CFAP47: variants seen among roughly 807,000 people sequenced by gnomAD.
The protein encoded by CFAP47 is cilia- and flagella-associated protein 47.
A neutral mutation model predicts 148.1 loss-of-function variants in CFAP47; 29 were observed. That is an observed-to-expected ratio of 0.20 (90% CI 0.15 to 0.27). The LOEUF (loss-of-function observed/expected upper bound fraction) is 0.27, where lower values mean the gene tolerates loss of function less well. Ranked by LOEUF, CFAP47 falls within the 10% of genes least tolerant of loss-of-function variation. The pLI, the probability that CFAP47 is intolerant of heterozygous loss-of-function variation, is 1.00. For synonymous variants in CFAP47, 664 were observed against 577.3 expected (o/e 1.15, Z -2.15); for missense variants, 1,872 against 1,697.5 (o/e 1.10, Z -1.81).
intron 15 of CFAP47, among the ~76,000 whole-genome samples, chrX:35,984,290 G>T (rs1017895058): frequency 9.0e-6 from 1 of 111,244 alleles, no homozygotes; most frequent in Admixed American, 9.6e-5. Context: ...TTTCTGTGGG[G>T]TATGTGTTAA....
chrX:36,110,684 T>A (rs779532828), intron 33 of CFAP47, among the ~76,000 whole-genome samples: 1 of 112,210 alleles, frequency 8.9e-6, no homozygotes, highest in African/African-American at 3.2e-5. Flanking sequence ...ATTGATTGTA[T>A]AAATTGCTTT....
At chrX:36,288,569 A>G (rs782238652) in intron 51 of CFAP47, among the ~76,000 whole-genome samples, 1 of 112,679 alleles carries the variant, frequency 8.9e-6, no homozygotes, top group Non-Finnish European at 1.9e-5. Context: ...TGAAAATTGC[A>G]TGATCATTTA....
At chrX:36,283,134 A>T (rs1304365295) in intron 50 of CFAP47, among the ~76,000 whole-genome samples, 1 of 111,671 alleles carries the variant, frequency 9.0e-6, no homozygotes, top group African/African-American at 3.2e-5. Flanking sequence ...GTACAAATAT[A>T]TTAAGTAGCT....
At chrX:36,380,685 C>T (rs1158619796) in intron 63 of CFAP47, among the ~76,000 whole-genome samples, 1 of 112,274 alleles carries the variant, frequency 8.9e-6, no homozygotes, top group Non-Finnish European at 1.9e-5. Context: ...CCTCATGATC[C>T]ACCCGCCTCG....
intron 42 of CFAP47, 90 bp from the exon 43 acceptor site, chrX:36,200,289 C>T (rs1939965840): frequency 7.0e-6 from 2 of 284,222 alleles, no homozygotes; most frequent in South Asian, 4.4e-4. Flanking sequence ...CATGGTAGTT[C>T]TTACAGTATG....
At chrX:36,231,063 C>G (rs1156708052) in intron 46 of CFAP47, among the ~76,000 whole-genome samples, 3 of 108,471 alleles carry the variant, frequency 2.8e-5, no homozygotes, top group African/African-American at 1.0e-4. Flanking sequence ...CAGCTTTGTT[C>G]TTTTGGCTTA....
At chrX:36,245,367 G>T (rs1940602063) in intron 48 of CFAP47, among the ~76,000 whole-genome samples, 1 of 111,593 alleles carries the variant, frequency 9.0e-6, no homozygotes, top group African/African-American at 3.3e-5. Context: ...GAAATAAAAG[G>T]CATCCAAATG....
chrX:36,160,106 G>A (rs766236736), intron 38 of CFAP47, among the ~76,000 whole-genome samples: 1 of 111,702 alleles, frequency 9.0e-6, no homozygotes, highest in East Asian at 2.8e-4. Flanking sequence ...ATTTAGGTGT[G>A]CAGGGCAAGA....
At chrX:36,141,266 G>T (rs1939135308) in intron 35 of CFAP47, among the ~76,000 whole-genome samples, 1 of 110,598 alleles carries the variant, frequency 9.0e-6, no homozygotes, top group East Asian at 2.9e-4. Flanking sequence ...AGCCAATGGT[G>T]CAGCCCCTAG....
chrX:35,958,009 G>A (rs1345453552), intron 8 of CFAP47, among the ~76,000 whole-genome samples: 2 of 111,380 alleles, frequency 1.8e-5, no homozygotes, highest in Non-Finnish European at 3.8e-5. Flanking sequence ...ACCCCAAAAA[G>A]AAACTCCATG....
chrX:36,141,765 A>T (rs1401390798), intron 35 of CFAP47, among the ~76,000 whole-genome samples: 1 of 111,452 alleles, frequency 9.0e-6, no homozygotes, highest in East Asian at 2.8e-4. Context: ...CAAAGTTATC[A>T]GAGATTCAGT....
chrX:36,268,655 G>A (rs1257146600), intron 49 of CFAP47, among the ~76,000 whole-genome samples: 7 of 112,152 alleles, frequency 6.2e-5, no homozygotes, highest in Non-Finnish European at 1.1e-4. Context: ...GTGTGTGTAT[G>A]TGTGTCTGTA....
Position 36,035,622 on chromosome X carries a change from T to G in CFAP47, c.3652-73T>G, listed in dbSNP as rs1937328924. 1.0e-5 allele frequency: 3 copies of G among 286,105 alleles called. No individual in the cohort carries two copies. In the South Asian group the frequency reaches 6.9e-4, roughly 65 times the overall value. 23.6% of individuals were successfully genotyped at this position (286,105 alleles called of 1,213,427 possible). On this transcript the variant is annotated intron_variant, in intron 23 of 63. Transcript: ENST00000378653. Reference sequence around the variant, plus strand: ...TATACATAGGCTCATCAAATTGAGATGGTAATACAACTAAACTTTAGATTG... The same window carrying G: ...TATACATAGGCTCATCAAATTGAGAGGGTAATACAACTAAACTTTAGATTG...
At chrX:36,063,379 A>G (rs1313931828) in intron 26 of CFAP47, among the ~76,000 whole-genome samples, 1 of 111,451 alleles carries the variant, frequency 9.0e-6, no homozygotes, top group East Asian at 2.8e-4. Flanking sequence ...ATATTTTAAT[A>G]GTAATATCAA....
In CFAP47 at chrX:36,127,600, G is replaced by A. The variant is rs1326154097; in HGVS notation, c.5321-10358G>A. Among the ~76,000 whole-genome samples, 3 of 111,014 alleles carry A rather than the reference G, an allele frequency of 2.7e-5. No individual in the cohort carries two copies. The South Asian group carries it at 1.1e-3, about 42-fold the overall frequency. On this transcript the variant is annotated intron_variant, in intron 33 of 63. Transcript: ENST00000378653. Reference sequence around the variant, plus strand: ...GGTCTCTTTTTTGGTTCCATATGAAGTTTAAAGTAGTTGTTTCCAATTCTG... The same window carrying A: ...GGTCTCTTTTTTGGTTCCATATGAAATTTAAAGTAGTTGTTTCCAATTCTG...
chrX:36,200,621 A>C (rs1270921165), intron 43 of CFAP47, 128 bp downstream of exon 43: 5 of 280,451 alleles, frequency 1.8e-5, no homozygotes, highest in Non-Finnish European at 3.1e-5. Flanking sequence ...GCTTCTTTTA[A>C]CTTTATTATG....
chrX:36,188,828 T>G, intron 41 of CFAP47, 138 bp downstream of exon 41: 1 of 282,693 alleles, frequency 3.5e-6, no homozygotes, highest in Non-Finnish European at 6.2e-6. Context: ...CTGGCTGATT[T>G]GAGGCTGAAG....
chrX:36,255,603 C>T (rs182394018), intron 49 of CFAP47, among the ~76,000 whole-genome samples: 117 of 111,161 alleles, frequency 1.1e-3, no homozygotes, highest in African/African-American at 3.5e-3. Context: ...TGTTGGCCAT[C>T]TTCCAGCATT....
At chrX:36,042,948 T>A (rs958978091) in intron 25 of CFAP47, among the ~76,000 whole-genome samples, 38 of 111,746 alleles carry the variant, frequency 3.4e-4, no homozygotes, top group Non-Finnish European at 6.8e-4. Context: ...CAGGGGTAGA[T>A]AAAATGACCA....
Sources: gnomAD v4.1 joint callset for allele counts (sites outside exome capture counted in the v4.1 genomes callset) on GRCh38, gnomAD v4.1.1 for gene constraint, MANE v1.5 for transcripts, NCBI Gene and HGNC (gene_info 2026-07-23, HGNC 2026-07-21) for gene names.